NKAIN2: variants seen among roughly 807,000 people sequenced by gnomAD.
NKAIN2 encodes sodium/potassium-transporting ATPase subunit beta-1-interacting protein 2.
NKAIN2 carries 14 observed loss-of-function variants against 32.6 expected under a neutral mutation model. That is an observed-to-expected ratio of 0.43 (90% confidence interval 0.28 to 0.67). The LOEUF is 0.67. Among genes scored for constraint, NKAIN2 ranks in the 30% least tolerant of loss-of-function variants. The pLI is 0.17. For missense variants in NKAIN2, 198 were observed against 258.3 expected, an observed-to-expected ratio of 0.77 and a Z score of 1.60; for synonymous variants, 80 against 87.2, an observed-to-expected ratio of 0.92 and a Z score of 0.46.
intron 1 of NKAIN2, among the ~76,000 whole-genome samples, chr6:124,091,034 G>A (rs946999987): frequency 2.6e-5 from 4 of 151,792 alleles, no homozygotes; most frequent in Non-Finnish European, 5.9e-5. Flanking sequence ...TACATTTTAA[G>A]TACATTTTTG....
intron 1 of NKAIN2, among the ~76,000 whole-genome samples, chr6:123,948,974 C>T (rs140582045): frequency 2.2e-4 from 33 of 152,054 alleles, no homozygotes; most frequent in Non-Finnish European, 3.8e-4. Flanking sequence ...TGTTCTTCTG[C>T]ATGTGGATAT....
intron 1 of NKAIN2, among the ~76,000 whole-genome samples, chr6:123,933,250 T>G (rs539461997): frequency 2.0e-5 from 3 of 152,360 alleles, no homozygotes; most frequent in African/African-American, 7.2e-5. Flanking sequence ...TTGTATTTAA[T>G]GTTGCATTAA....
intron 1 of NKAIN2, among the ~76,000 whole-genome samples, chr6:123,956,914 C>A (rs541337130): frequency 6.6e-6 from 1 of 152,256 alleles, no homozygotes; most frequent in East Asian, 1.9e-4. Flanking sequence ...TGTACAAAAT[C>A]AATTATTATT....
intron 3 of NKAIN2, among the ~76,000 whole-genome samples, chr6:124,357,860 T>G (rs975387613): frequency 2.0e-5 from 3 of 152,172 alleles, no homozygotes; most frequent in African/African-American, 7.2e-5. Context: ...TGTGCCATGT[T>G]GGTGTGCTGC....
intron 1 of NKAIN2, among the ~76,000 whole-genome samples, chr6:124,259,867 A>G (rs913434924): frequency 7.9e-5 from 12 of 152,150 alleles, no homozygotes; most frequent in Non-Finnish European, 1.6e-4. Flanking sequence ...ATACAAAAAT[A>G]GAGTGTTATG....
rs1318805389 is a variant in NKAIN2, at chr6:124,574,369, G to C, written c.274-83817G>C. Among the ~76,000 whole-genome samples, 127 of 151,968 alleles carry C rather than the reference G, an allele frequency of 8.4e-4. 2 individuals are homozygous for C. Among genetic ancestry groups the C allele is most frequent in the Non-Finnish European group, 5.9e-5 (4 of 68,028 alleles). On this transcript the variant is annotated intron_variant, in intron 3 of 6. Transcript: ENST00000368417. Reference sequence around the variant, plus strand: ...ACAGTGGCTCACACCTGTAATCCCAGCTCTTTGGGAGGCCAAGGCAGGCTG... The same window carrying C: ...ACAGTGGCTCACACCTGTAATCCCACCTCTTTGGGAGGCCAAGGCAGGCTG...
intron 4 of NKAIN2, among the ~76,000 whole-genome samples, chr6:124,691,096 C>T (rs1183876175): frequency 6.6e-6 from 1 of 152,122 alleles, no homozygotes; most frequent in Non-Finnish European, 1.5e-5. Context: ...TTTATCTCCA[C>T]CTATGCTTTC....
rs1161498971 is a variant in NKAIN2, at chr6:124,023,490, CT to C, written c.54+219238del. Reference sequence around the variant, plus strand: ...AATACTAAATCCTCCTGCTCTGTGCCTTAAAATTTTTTTGAAAGCCTACCTT... The same window carrying C: ...AATACTAAATCCTCCTGCTCTGTGCCTAAAATTTTTTTGAAAGCCTACCTT... On this transcript the variant is annotated intron_variant, in intron 1 of 6. Coordinates refer to ENST00000368417, the MANE Select transcript of NKAIN2 (RefSeq NM_001040214.3). Among the ~76,000 whole-genome samples the C allele has an allele frequency of 2.6e-5, 4 of 152,080 alleles. No homozygotes were observed. In the East Asian group the frequency reaches 7.7e-4, roughly 29 times the overall value.
At chr6:123,978,937 C>T (rs1453545893) in intron 1 of NKAIN2, among the ~76,000 whole-genome samples, 1 of 152,142 alleles carries the variant, frequency 6.6e-6, no homozygotes, top group Non-Finnish European at 1.5e-5. Flanking sequence ...CTGATTAGGA[C>T]ATTACCCTGT....
At chr6:123,950,184 G>A (rs1443649532) in intron 1 of NKAIN2, among the ~76,000 whole-genome samples, 1 of 151,884 alleles carries the variant, frequency 6.6e-6, no homozygotes, top group Non-Finnish European at 1.5e-5. Context: ...TGTTGGATGT[G>A]GTTTGCTTGT....
At chr6:124,758,513 T>C (rs1412828301) in intron 4 of NKAIN2, among the ~76,000 whole-genome samples, 1 of 152,114 alleles carries the variant, frequency 6.6e-6, no homozygotes, top group African/African-American at 2.4e-5. Context: ...TTGCTAAATC[T>C]AGCCAGTCTA....
chr6:124,524,757 A>G (rs147710911), intron 3 of NKAIN2, among the ~76,000 whole-genome samples: 1 of 152,172 alleles, frequency 6.6e-6, no homozygotes, highest in South Asian at 2.1e-4. Context: ...CTAACTTCTA[A>G]CATATCCCTT....
chr6:123,920,151 A>C (rs182176089), intron 1 of NKAIN2, among the ~76,000 whole-genome samples: 1 of 152,270 alleles, frequency 6.6e-6, no homozygotes, highest in Admixed American at 6.5e-5. Context: ...GTACTGTTCC[A>C]TGCGATGCAG....
At chr6:123,967,819 C>G (rs1435300270) in intron 1 of NKAIN2, among the ~76,000 whole-genome samples, 2 of 152,154 alleles carry the variant, frequency 1.3e-5, no homozygotes, top group Non-Finnish European at 2.9e-5. Flanking sequence ...CTTTGTTCCT[C>G]CACTTCGATT....
At chr6:124,099,836 G>A (rs1361179368) in intron 1 of NKAIN2, among the ~76,000 whole-genome samples, 1 of 152,144 alleles carries the variant, frequency 6.6e-6, no homozygotes, top group Admixed American at 6.5e-5. Flanking sequence ...AATATCAATA[G>A]TGCTGAGGCT....
intron 1 of NKAIN2, among the ~76,000 whole-genome samples, chr6:123,923,419 A>C (rs13192934): frequency 0.28 from 42,024 of 151,520 alleles, 6,911 homozygotes; most frequent in East Asian, 0.52. Flanking sequence ...CCTTTGTTGC[A>C]TTTCGCAGAG....
rs72975716 is a variant in NKAIN2 at position 124,618,092 on chromosome 6, A to T, written c.274-40094A>T. On this transcript the variant is annotated intron_variant, in intron 3 of 6. Transcript: ENST00000368417. ...TGTGCAAATTTATAATAGCAATAGCAACTGTTCTAAAATCACTAATTCTAT... is the reference window on the plus strand; with the variant it reads ...TGTGCAAATTTATAATAGCAATAGCTACTGTTCTAAAATCACTAATTCTAT... Among the ~76,000 whole-genome samples the T allele has an allele frequency of 4.0e-3, 615 of 152,362 alleles. 3 individuals are homozygous for T. The highest frequency in any genetic ancestry group is 5.2e-3 in the Non-Finnish European group (357 of 68,028).
chr6:124,119,531 C>T (rs1414826994), intron 1 of NKAIN2, among the ~76,000 whole-genome samples: 1 of 152,118 alleles, frequency 6.6e-6, no homozygotes, highest in East Asian at 1.9e-4. Context: ...AGTTTGGGCC[C>T]TAAAGAACAT....
At chr6:124,555,869 A>G (rs1038506816) in intron 3 of NKAIN2, among the ~76,000 whole-genome samples, 3 of 152,230 alleles carry the variant, frequency 2.0e-5, no homozygotes, top group Non-Finnish European at 4.4e-5. Flanking sequence ...CAGACTGAGA[A>G]GGAACTCTTT....
Sources: allele counts gnomAD v4.1 joint callset (sites outside exome capture counted in the v4.1 genomes callset), GRCh38; gene constraint gnomAD v4.1.1; transcripts MANE v1.5; gene names NCBI Gene and HGNC (gene_info 2026-07-23, HGNC 2026-07-21).